The following DHX37 variants were observed in gnomAD, a reference collection of about 807,000 sequenced individuals.
DHX37 encodes the protein probable ATP-dependent RNA helicase DHX37.
Under a neutral mutation model 134.3 loss-of-function variants are expected in DHX37, and 52 were observed. The observed-to-expected ratio is 0.39, with a 90% CI of 0.31 to 0.49. DHX37 has a LOEUF of 0.49. Among genes scored for constraint, DHX37 ranks in the 20% least tolerant of loss-of-function variants. DHX37 has a pLI of 0.93. For missense variants in DHX37, 1,344 were observed against 1,580.8 expected (o/e 0.85, Z 2.54); for synonymous variants, 634 against 670.7 (o/e 0.95, Z 0.85).
chr12:124,973,178 G>A (rs1289403118), intron 6 of DHX37, among the ~76,000 whole-genome samples: 12 of 152,124 alleles, frequency 7.9e-5, no homozygotes, highest in African/African-American at 2.9e-4. Flanking sequence ...AACACTTTGG[G>A]AGGCCGAGGT....
chr12:124,974,110 C>T (rs192657897), intron 6 of DHX37, among the ~76,000 whole-genome samples: 21 of 152,038 alleles, frequency 1.4e-4, no homozygotes, highest in Admixed American at 7.9e-4. Context: ...CCCGCCACTG[C>T]GCACGGCTAA....
At chr12:124,981,471 G>A (rs1407206597) in intron 3 of DHX37, among the ~76,000 whole-genome samples, 1 of 152,144 alleles carries the variant, frequency 6.6e-6, no homozygotes, top group East Asian at 1.9e-4. Context: ...AATTCACCTT[G>A]TCGCCCAGGA....
rs773374631 is a variant in DHX37, at chr12:124,950,819, G to C, written c.2869-15C>G. On this transcript the variant is annotated splice_polypyrimidine_tract_variant and intron_variant, in intron 21 of 26. Transcript: ENST00000308736. ...AGGAGAGGGGTCTGCAGAGAATGGAGAGTGATGTGGTCAGGGAAGAACCCA... is the reference window on the plus strand; with the variant it reads ...AGGAGAGGGGTCTGCAGAGAATGGACAGTGATGTGGTCAGGGAAGAACCCA... 1 of 1,595,310 alleles carries C rather than the reference G, an allele frequency of 6.3e-7. No individual in the cohort carries two copies. Among genetic ancestry groups the C allele is most frequent in the Admixed American group, 1.9e-5 (1 of 53,344 alleles).
chr12:124,963,204 G>T (rs894398517), intron 15 of DHX37, among the ~76,000 whole-genome samples: 1 of 152,198 alleles, frequency 6.6e-6, no homozygotes, highest in Non-Finnish European at 1.5e-5. Context: ...GCCACCCGGG[G>T]TGAGCCTTGA....
At chr12:124,961,029 C>A (rs1954228617) in intron 15 of DHX37, among the ~76,000 whole-genome samples, 1 of 152,238 alleles carries the variant, frequency 6.6e-6, no homozygotes, top group Admixed American at 6.5e-5. Context: ...TACACTTTAA[C>A]TACAGTTACT....
intron 3 of DHX37, among the ~76,000 whole-genome samples, chr12:124,981,590 A>G (rs1186671288): frequency 6.6e-6 from 1 of 152,054 alleles, no homozygotes; most frequent in African/African-American, 2.4e-5. Context: ...ATGAGCCACC[A>G]TGCCCAGCTA....
intron 15 of DHX37, 146 bp downstream of exon 15, chr12:124,964,248 G>A (rs935819378): frequency 4.9e-6 from 6 of 1,215,478 alleles, no homozygotes; most frequent in Non-Finnish European, 6.7e-6. Context: ...CAGCAAAAGG[G>A]CTGGGGAGCA....
intron 8 of DHX37, among the ~76,000 whole-genome samples, chr12:124,969,551 G>A (rs967126358): frequency 4.0e-5 from 6 of 151,782 alleles, no homozygotes; most frequent in South Asian, 4.1e-4. Context: ...CGTGCCTTCC[G>A]GACCCCACCT....
At chr12:124,974,902 G>A (rs1048307470) in intron 6 of DHX37, among the ~76,000 whole-genome samples, 1 of 151,666 alleles carries the variant, frequency 6.6e-6, no homozygotes, top group Non-Finnish European at 1.5e-5. Context: ...TTAACCTCCC[G>A]AGTAGCTGGG....
rs750482761 is a variant in DHX37, at chr12:124,971,419, G to T, written c.1078-4C>A. On this transcript the variant is annotated splice_region_variant and splice_polypyrimidine_tract_variant and intron_variant, in intron 7 of 26. Transcript: ENST00000308736. ...TGTACCGCAGCAGCAGGAAGTCCTG[G>T]GGGGAGGTCCGGGGTGAGGCCCACC... 3.7e-6 allele frequency: 6 copies of T among 1,612,770 alleles called. No individual in the cohort carries two copies. The East Asian group carries it at 8.9e-5, about 24-fold the overall frequency.
chr12:124,973,594 A>C (rs1954564802), intron 6 of DHX37, among the ~76,000 whole-genome samples: 1 of 144,768 alleles, frequency 6.9e-6, no homozygotes, highest in Non-Finnish European at 1.5e-5. Flanking sequence ...CTGGGGGCTC[A>C]TTATACTATC....
At chr12:124,988,777 T>C in intron 1 of DHX37, 140 bp downstream of exon 1, 2 of 428,558 alleles carry the variant, frequency 4.7e-6, no homozygotes, top group Non-Finnish European at 8.3e-6. Context: ...CTTTGGATCA[T>C]CTGGAATGGG....
chr12:124,965,418 G>A (rs909519029), intron 13 of DHX37, among the ~76,000 whole-genome samples: 5 of 152,278 alleles, frequency 3.3e-5, no homozygotes, highest in East Asian at 3.9e-4. Flanking sequence ...GGGCCCCTGC[G>A]AGCACACGGA....
Position 124,989,062 on chromosome 12 carries a change from G to T in DHX37, c.-40C>A. On this transcript the variant is annotated 5_prime_UTR_variant, in exon 1 of 27. In the 5' UTR this introduces an upstream ATG that the reference lacks. Coordinates refer to ENST00000308736, the MANE Select transcript of DHX37 (RefSeq NM_032656.4). Reference sequence around the variant, plus strand: ...GGTGGGCGCTCCAGCGGCCGGACCAGCAGAGCAATCCGAAACCCAGCCCAC... The same window carrying T: ...GGTGGGCGCTCCAGCGGCCGGACCATCAGAGCAATCCGAAACCCAGCCCAC... The T allele has an allele frequency of 7.8e-7, 1 of 1,286,666 alleles. No individual in the cohort carries two copies. 79.7% of individuals were successfully genotyped at this position (1,286,666 alleles called of 1,614,324 possible).
At position 124,950,685 on chromosome 12, in the gene DHX37, G is replaced by A. The variant is rs761075434; in HGVS notation, c.2983+5C>T. 5 of 1,612,164 alleles carry A rather than the reference G, an allele frequency of 3.1e-6. No individual in the cohort carries two copies. In the African/African-American group the frequency reaches 5.3e-5, roughly 17 times the overall value. ...GGACAAGGGGCTGTCCGCAGGCCTCGGCACCTTTCATGTACATCTTAGTGG... is the reference window on the plus strand; with the variant it reads ...GGACAAGGGGCTGTCCGCAGGCCTCAGCACCTTTCATGTACATCTTAGTGG... On this transcript the variant is annotated splice_donor_5th_base_variant and intron_variant, in intron 22 of 26. Coordinates refer to ENST00000308736, the MANE Select transcript of DHX37 (RefSeq NM_032656.4).
intron 3 of DHX37, among the ~76,000 whole-genome samples, chr12:124,981,191 G>T (rs1429447241): frequency 1.3e-5 from 2 of 152,190 alleles, no homozygotes; most frequent in Non-Finnish European, 2.9e-5. Flanking sequence ...CTCCTTAAGA[G>T]AAAGGACTTT....
At chr12:124,952,647 C>A in intron 20 of DHX37, 77 bp from the exon 21 acceptor site, 1 of 1,439,002 alleles carries the variant, frequency 6.9e-7, no homozygotes, top group East Asian at 2.6e-5. Flanking sequence ...TAGAAAGTCC[C>A]AACCATGCTC....
chr12:124,965,050 T>G, intron 13 of DHX37, 44 bp from the exon 14 acceptor site: 3 of 1,566,566 alleles, frequency 1.9e-6, no homozygotes, highest in Middle Eastern at 1.8e-4. Context: ...CCGGGACAGA[T>G]GCCCACAGGC....
At chr12:124,974,778 ATT>A (rs768978678) in intron 6 of DHX37, among the ~76,000 whole-genome samples, 2 of 141,754 alleles carry the variant, frequency 1.4e-5, no homozygotes, top group African/African-American at 2.6e-5. Flanking sequence ...CCGCCTGAAG[ATT>A]TTTTTTTTTT....
Sources: allele counts gnomAD v4.1 joint callset (sites outside exome capture counted in the v4.1 genomes callset), GRCh38; gene constraint gnomAD v4.1.1; transcripts MANE v1.5; gene names NCBI Gene and HGNC (gene_info 2026-07-23, HGNC 2026-07-21).